Variants in PHTF2 observed in about 807,000 individuals in gnomAD.
PHTF2 encodes the protein putative homeodomain transcription factor 2.
In PHTF2, 60 loss-of-function variants were observed where a neutral mutation model predicts 101.2. The ratio of observed to expected loss-of-function variants is 0.59; its 90% confidence interval spans 0.48 to 0.73. The LOEUF is 0.73. Ranked by LOEUF, PHTF2 falls within the 30% of genes least tolerant of loss-of-function variation. The probability of loss-of-function intolerance (pLI) is 0.00; values close to 1 mark genes in which losing one functional copy is unlikely to be tolerated. For missense variants in PHTF2, 747 were observed against 908.7 expected (o/e 0.82, Z 2.29); for synonymous variants, 311 against 307.3 (o/e 1.01, Z -0.13).
At chr7:77,836,269 G>A (rs1202820688) in intron 1 of PHTF2, among the ~76,000 whole-genome samples, 2 of 152,086 alleles carry the variant, frequency 1.3e-5, no homozygotes, top group Non-Finnish European at 2.9e-5. Context: ...TCCCTTCCTG[G>A]ATAGCAGAGG....
At chr7:77,818,223 C>T (rs1794009821) in intron 1 of PHTF2, among the ~76,000 whole-genome samples, 1 of 151,478 alleles carries the variant, frequency 6.6e-6, no homozygotes, top group Non-Finnish European at 1.5e-5. Flanking sequence ...TCTTTTTACT[C>T]TGTTGATTGT....
chr7:77,907,261 A>T (rs975334672), intron 7 of PHTF2, among the ~76,000 whole-genome samples: 1 of 151,754 alleles, frequency 6.6e-6, no homozygotes, highest in Non-Finnish European at 1.5e-5. Context: ...GGCATTTTAA[A>T]TTTTTTTTTC....
In PHTF2 at chr7:77,940,260, T is replaced by C. The variant is rs767304691; in HGVS notation, c.1698T>C (p.Ile566=). 4.5e-5 allele frequency: 72 copies of C among 1,613,642 alleles called. No individual in the cohort carries two copies. In the Middle Eastern group the frequency reaches 8.3e-4, roughly 19 times the overall value. Residue 566 remains isoleucine (I), a synonymous_variant, in exon 14 of 20, where the codon ATT becomes ATC. Transcript: ENST00000416283. The stretch of plus-strand genomic sequence containing the variant: ...TGGTTCGCGTGTCTCTTGTGTGGAT[T>C]TTCTTTTTTTTGCTCTGTGTAGCAG...
chr7:77,837,965 T>C (rs1478705736), intron 1 of PHTF2, among the ~76,000 whole-genome samples: 1 of 152,212 alleles, frequency 6.6e-6, no homozygotes, highest in Non-Finnish European at 1.5e-5. Flanking sequence ...TTAGATAATC[T>C]GGAATATTTG....
chr7:77,849,575 A>T (rs964783941), intron 2 of PHTF2, among the ~76,000 whole-genome samples: 10 of 152,118 alleles, frequency 6.6e-5, no homozygotes, highest in Admixed American at 5.9e-4. Context: ...AAATTCTAGG[A>T]TTATTTTTTC....
In PHTF2 at chr7:77,933,232, C is replaced by T. The variant is rs188889651; in HGVS notation, c.1338+3905C>T. Among the ~76,000 whole-genome samples the T allele has an allele frequency of 6.9e-3, 1,053 of 151,908 alleles. 4 individuals are homozygous for T. Among genetic ancestry groups the T allele is most frequent in the Admixed American group, 0.015 (222 of 15,244 alleles). ...CAGCCTGGGCAACAGAGCGAGACTCCGTCTCAAAAAAATAATAATAATAAA... is the reference window on the plus strand; with the variant it reads ...CAGCCTGGGCAACAGAGCGAGACTCTGTCTCAAAAAAATAATAATAATAAA... On this transcript the variant is annotated intron_variant, in intron 12 of 19. Transcript: ENST00000416283.
intron 2 of PHTF2, among the ~76,000 whole-genome samples, chr7:77,851,005 T>C (rs1220985311): frequency 6.6e-6 from 1 of 152,206 alleles, no homozygotes; most frequent in East Asian, 1.9e-4. Flanking sequence ...AATGTGTTAT[T>C]GTATTCGGTT....
chr7:77,808,597 A>G (rs931625285), intron 1 of PHTF2, among the ~76,000 whole-genome samples: 20 of 152,196 alleles, frequency 1.3e-4, no homozygotes, highest in Non-Finnish European at 2.6e-4. Flanking sequence ...GCATATGCCA[A>G]TCAATATTCA....
chr7:77,882,313 C>T (rs974559361), intron 3 of PHTF2, among the ~76,000 whole-genome samples: 31 of 151,920 alleles, frequency 2.0e-4, no homozygotes, highest in African/African-American at 7.2e-4. Flanking sequence ...TGTTTTCTTC[C>T]TTGAAAAGTC....
chr7:77,901,945 T>A, intron 7 of PHTF2, 25 bp downstream of exon 6: 2 of 1,450,714 alleles, frequency 1.4e-6, no homozygotes, highest in Non-Finnish European at 1.9e-6. Context: ...TTTTTGCTTT[T>A]ACTTTTCAGA....
chr7:77,861,042 A>G (rs926924142), intron 3 of PHTF2, among the ~76,000 whole-genome samples: 1 of 152,166 alleles, frequency 6.6e-6, no homozygotes, highest in Admixed American at 6.5e-5. Flanking sequence ...TATATCAGTT[A>G]AAATGGAAAA....
chr7:77,891,117 C>T (rs1314962364), intron 3 of PHTF2, among the ~76,000 whole-genome samples: 2 of 150,788 alleles, frequency 1.3e-5, no homozygotes, highest in Non-Finnish European at 1.5e-5. Context: ...CCATGTTGTT[C>T]AGGCTTGTCT....
intron 13 of PHTF2, 144 bp from the exon 13 acceptor site, chr7:77,939,886 C>G (rs780794129): frequency 3.4e-6 from 2 of 583,874 alleles, no homozygotes; most frequent in Non-Finnish European, 5.7e-6. Context: ...GTAGTAGGCT[C>G]TCAAACTTGA....
intron 3 of PHTF2, among the ~76,000 whole-genome samples, chr7:77,892,205 A>G (rs1800493712): frequency 6.6e-6 from 1 of 152,108 alleles, no homozygotes; most frequent in East Asian, 1.9e-4. Flanking sequence ...CAGAAGAATC[A>G]CTTGAACCCA....
chr7:77,844,039 C>T (rs1355311696), intron 2 of PHTF2, among the ~76,000 whole-genome samples: 1 of 152,052 alleles, frequency 6.6e-6, no homozygotes, highest in African/African-American at 2.4e-5. Context: ...ACTTTGTCAC[C>T]CAGGCTGAAG....
At chr7:77,844,929 A>G (rs1796160718) in intron 2 of PHTF2, among the ~76,000 whole-genome samples, 1 of 152,234 alleles carries the variant, frequency 6.6e-6, no homozygotes, top group African/African-American at 2.4e-5. Context: ...AGTTATGAAT[A>G]ATTTTAAAAT....
intron 7 of PHTF2, among the ~76,000 whole-genome samples, chr7:77,902,714 T>G (rs1333162853): frequency 6.6e-6 from 1 of 151,900 alleles, no homozygotes; most frequent in Non-Finnish European, 1.5e-5. Context: ...TTTTAATATG[T>G]GATTAAAAAA....
In PHTF2 at chr7:77,893,732, T is replaced by C. The variant is rs192474542; in HGVS notation, c.204+68T>C. ...TATGAATTATTAATTACATTTTCTG[T>C]AGTGTTTTTTAATATACTTTTAAGA... On this transcript the variant is annotated intron_variant, in intron 4 of 19. Coordinates refer to ENST00000416283, the Ensembl canonical transcript of PHTF2. 1,323 of 698,622 alleles carry C rather than the reference T, an allele frequency of 1.9e-3. 5 individuals carry two copies. The highest frequency in any genetic ancestry group is 2.8e-3 in the South Asian group (151 of 53,016). The allele number at this position is 698,622 out of a possible 1,614,324, so 43.3% of individuals were successfully genotyped here.
intron 1 of PHTF2, among the ~76,000 whole-genome samples, chr7:77,812,781 G>C (rs1793544079): frequency 6.6e-6 from 1 of 151,992 alleles, no homozygotes; most frequent in Non-Finnish European, 1.5e-5. Context: ...AGTAGAGATG[G>C]GGTTTCACTG....
Sources: gnomAD v4.1 joint callset for allele counts (sites outside exome capture counted in the v4.1 genomes callset) on GRCh38, gnomAD v4.1.1 for gene constraint, MANE v1.5 for transcripts, NCBI Gene and HGNC (gene_info 2026-07-23, HGNC 2026-07-21) for gene names.